ATM: variants seen among roughly 807,000 people sequenced by gnomAD.
ATM encodes the protein serine-protein kinase ATM.
Under a neutral mutation model 387.0 loss-of-function variants are expected in ATM, and 308 were observed. The observed-to-expected ratio is 0.80, with a 90% CI of 0.73 to 0.87. The LOEUF (loss-of-function observed/expected upper bound fraction) is 0.87. Ranked by LOEUF, ATM falls within the 40% of genes least tolerant of loss-of-function variation. ATM has a pLI of 0.00. For missense variants in ATM, 3,312 were observed against 3,560.9 expected (o/e 0.93, Z 1.78); for synonymous variants, 1,156 against 1,187.3 (o/e 0.97, Z 0.54).
At chr11:108,293,962 G>A (rs564797842) in intron 31 of ATM, among the ~76,000 whole-genome samples, 2 of 147,986 alleles carry the variant, frequency 1.4e-5, no homozygotes, top group South Asian at 2.1e-4. Context: ...TGTAACGTGA[G>A]ATCTACCTAC....
chr11:108,276,889 C>T (rs1012351310), intron 22 of ATM, among the ~76,000 whole-genome samples: 8 of 152,188 alleles, frequency 5.3e-5, no homozygotes, highest in African/African-American at 1.9e-4. Flanking sequence ...AGAGCTCGAG[C>T]GCTGTGCTGG....
chr11:108,345,455 G>A (rs930468731), intron 57 of ATM, among the ~76,000 whole-genome samples: 2 of 152,148 alleles, frequency 1.3e-5, no homozygotes, highest in African/African-American at 4.8e-5. Flanking sequence ...AGGCATTTCT[G>A]TGTTTATTTC....
chr11:108,332,433 AAATTAATT>A (rs4988124), intron 52 of ATM, among the ~76,000 whole-genome samples: 3 of 151,628 alleles, frequency 2.0e-5, no homozygotes, highest in Non-Finnish European at 3.0e-5. Flanking sequence ...ACTCTGTCTC[AAATTAATT>A]AATTAATTAA....
chr11:108,287,864 GTAAT>G (rs1565453318), intron 27 of ATM, 149 bp downstream of exon 27: 1 of 621,118 alleles, frequency 1.6e-6, no homozygotes, highest in African/African-American at 1.8e-5. Context: ...TTGAATTGAG[GTAAT>G]TACCTATCCT....
intron 57 of ATM, among the ~76,000 whole-genome samples, chr11:108,345,375 T>TC (rs2088199171): frequency 6.6e-6 from 1 of 152,202 alleles, no homozygotes; most frequent in Admixed American, 6.5e-5. Flanking sequence ...ATTCTTCTGT[T>TC]CTTTCTCTTT....
intron 16 of ATM, among the ~76,000 whole-genome samples, chr11:108,259,534 T>C (rs1376669929): frequency 6.6e-6 from 1 of 152,104 alleles, no homozygotes; most frequent in Non-Finnish European, 1.5e-5. Flanking sequence ...AATTAAATAA[T>C]TTGTCTTGTG....
intron 61 of ATM, among the ~76,000 whole-genome samples, chr11:108,362,495 C>G (rs1369400291): frequency 1.3e-5 from 2 of 149,768 alleles, no homozygotes; most frequent in African/African-American, 2.4e-5. Flanking sequence ...AAGACACATG[C>G]ACACGTATGT....
At chr11:108,229,132 TTAAG>T (rs776876770) in intron 3 of ATM, 42 bp from the exon 4 acceptor site, 3 of 1,567,044 alleles carry the variant, frequency 1.9e-6, no homozygotes, top group Non-Finnish European at 2.6e-6. Context: ...TTATTATAAT[TTAAG>T]TATTCAACGA....
At chr11:108,345,002 G>A (rs61915068) in intron 57 of ATM, among the ~76,000 whole-genome samples, 50 of 151,634 alleles carry the variant, frequency 3.3e-4, no homozygotes, top group Non-Finnish European at 6.9e-4. Context: ...CTGTCACCCT[G>A]TCTCCAAAAA....
rs777755997 is a variant in ATM, at chr11:108,249,019, C to G, written c.1152C>G (p.Cys384Trp). 2 of 1,613,796 alleles carry G rather than the reference C, an allele frequency of 1.2e-6. No homozygotes were observed. Among genetic ancestry groups the G allele is most frequent in the Admixed American group, 3.3e-5 (2 of 60,008 alleles). Residue 384 changes from cysteine to tryptophan, a missense_variant, in exon 9 of 63, where the codon TGC becomes TGG. Cys to Trp is a radical substitution (Grantham distance 215). Coordinates refer to ENST00000675843, the MANE Select transcript of ATM (RefSeq NM_000051.4). ...QRESSDYSVP[C>W]KRKKIELGWE... ...AATCTAGTGATTACAGTGTCCCTTG[C>G]AAAAGGAAGAAAATAGAACTAGGCT...
intron 22 of ATM, among the ~76,000 whole-genome samples, chr11:108,277,499 G>A (rs2082008407): frequency 6.6e-6 from 1 of 152,156 alleles, no homozygotes; most frequent in Non-Finnish European, 1.5e-5. Flanking sequence ...GGTGGTGTAG[G>A]CACCCAAGGG....
intron 18 of ATM, 82 bp from the exon 19 acceptor site, chr11:108,270,982 C>G: frequency 8.3e-7 from 1 of 1,205,098 alleles, no homozygotes; most frequent in South Asian, 1.3e-5. Flanking sequence ...GTGTGAGCCA[C>G]TGCACCCGGC....
At position 108,293,468 on chromosome 11, in the gene ATM, A is replaced by G. The variant is rs1591677805; in HGVS notation, c.4767A>G (p.Ser1589=). The G allele has an allele frequency of 6.2e-7, 1 of 1,611,004 alleles. No individual in the cohort carries two copies. The highest frequency in any genetic ancestry group is 1.1e-5 in the South Asian group (1 of 90,964). The change falls in exon 31 of 63, where the codon TCA becomes TCG. Residue 1589 remains serine (S), a synonymous_variant. Transcript: ENST00000675843. ...QKIKYSRGPF[S]LLEEINHFLS... ...TCAAATACAGTAGAGGACCCTTTTC[A>G]CTCTTGGAGGTAATAAAAATTTCAT...
chr11:108,317,652 T>TATATATATACACACACACACACAC (rs1399501257), intron 43 of ATM, 131 bp downstream of exon 43: 2 of 117,468 alleles, frequency 1.7e-5, no homozygotes, highest in African/African-American at 1.0e-4. Context: ...TATATATATA[T>TATATATATACACACACACACACAC]ACACACACAC....
At position 108,277,457 on chromosome 11, in the gene ATM, C is replaced by T. The variant is rs139690781; in HGVS notation, c.3285-2034C>T. Among the ~76,000 whole-genome samples, 781 of 152,230 alleles carry T rather than the reference C, an allele frequency of 5.1e-3. 8 individuals are homozygous for T. The highest frequency in any genetic ancestry group is 0.018 in the African/African-American group (748 of 41,530). ...CTAGCTCAGTGTCTGCCCAAATGGCCGCCCAGCTTTGTGCTTTAAACCCAG... is the reference window on the plus strand; with the variant it reads ...CTAGCTCAGTGTCTGCCCAAATGGCTGCCCAGCTTTGTGCTTTAAACCCAG... On this transcript the variant is annotated intron_variant, in intron 22 of 62. Transcript: ENST00000675843.
intron 20 of ATM, among the ~76,000 whole-genome samples, chr11:108,271,857 G>A (rs1229793504): frequency 2.0e-5 from 3 of 152,110 alleles, no homozygotes; most frequent in Non-Finnish European, 2.9e-5. Flanking sequence ...TAAATCAATA[G>A]ACTGTTTTTT....
chr11:108,268,073 A>C (rs930972374), intron 17 of ATM, among the ~76,000 whole-genome samples: 2 of 152,164 alleles, frequency 1.3e-5, no homozygotes, highest in African/African-American at 4.8e-5. Flanking sequence ...CATACTTTTT[A>C]ATGGCTTCAC....
At chr11:108,310,615 C>T (rs1565490754) in intron 39 of ATM, among the ~76,000 whole-genome samples, 1 of 152,056 alleles carries the variant, frequency 6.6e-6, no homozygotes, top group African/African-American at 2.4e-5. Context: ...GCATTGAGAA[C>T]TTAATTTAAG....
At chr11:108,351,460 A>C (rs1461624279) in intron 59 of ATM, among the ~76,000 whole-genome samples, 2 of 152,234 alleles carry the variant, frequency 1.3e-5, no homozygotes, top group Non-Finnish European at 2.9e-5. Flanking sequence ...ATTTATTATT[A>C]TCTCTCATAG....
Sources: allele counts gnomAD v4.1 joint callset (sites outside exome capture counted in the v4.1 genomes callset), GRCh38; gene constraint gnomAD v4.1.1; transcripts MANE v1.5; gene names NCBI Gene and HGNC (gene_info 2026-07-23, HGNC 2026-07-21).